CSMD1: variants seen among roughly 807,000 people sequenced by gnomAD.
The protein encoded by CSMD1 is CUB and Sushi multiple domains 1.
A neutral mutation model predicts 417.5 loss-of-function variants in CSMD1; 213 were observed. That is an observed-to-expected ratio of 0.51 (90% CI 0.46 to 0.57). CSMD1 has a LOEUF of 0.57. Ranked by LOEUF, CSMD1 falls within the 20% of genes least tolerant of loss-of-function variation. The pLI is 0.00. For missense variants in CSMD1, 6,923 were observed against 4,529.7 expected (o/e 1.53, Z -15.17); for synonymous variants, 2,862 against 1,736.8 (o/e 1.65, Z -16.11).
At chr8:4,895,475 T>G (rs1028648819) in intron 1 of CSMD1, among the ~76,000 whole-genome samples, 2 of 152,158 alleles carry the variant, frequency 1.3e-5, no homozygotes, top group Admixed American at 6.5e-5. Flanking sequence ...TCATTGGCAT[T>G]TGTCTAGTAC....
chr8:3,077,863 A>C (rs11997077), intron 49 of CSMD1, among the ~76,000 whole-genome samples: 3 of 152,018 alleles, frequency 2.0e-5, no homozygotes, highest in African/African-American at 2.4e-5. Context: ...CACACAGGGC[A>C]TTTCACTGTC....
At chr8:3,026,990 T>G (rs1205503755) in intron 51 of CSMD1, among the ~76,000 whole-genome samples, 1 of 152,092 alleles carries the variant, frequency 6.6e-6, no homozygotes, top group Admixed American at 6.5e-5. Flanking sequence ...TTAAGGCTTG[T>G]AAATTTTAGC....
chr8:4,206,129 G>A (rs761232736), intron 3 of CSMD1, among the ~76,000 whole-genome samples: 6 of 152,096 alleles, frequency 3.9e-5, no homozygotes, highest in South Asian at 2.1e-4. Context: ...GATAGGGAGG[G>A]TATTTTACCT....
At chr8:3,120,697 A>C (rs1209158824) in intron 41 of CSMD1, among the ~76,000 whole-genome samples, 1 of 129,654 alleles carries the variant, frequency 7.7e-6, no homozygotes. Flanking sequence ...AAATACAAAA[A>C]TTAGCCAGGG....
At chr8:4,991,073 G>T (rs368185302) in intron 1 of CSMD1, among the ~76,000 whole-genome samples, 1 of 152,142 alleles carries the variant, frequency 6.6e-6, no homozygotes, top group Non-Finnish European at 1.5e-5. Context: ...GTAAGTAATT[G>T]TCTGCAAATA....
chr8:3,874,532 G>C (rs1805688067), intron 5 of CSMD1, among the ~76,000 whole-genome samples: 1 of 152,156 alleles, frequency 6.6e-6, no homozygotes, highest in Admixed American at 6.5e-5. Context: ...GTTCATTGAA[G>C]ACATACAAGC....
intron 1 of CSMD1, among the ~76,000 whole-genome samples, chr8:4,889,838 C>T (rs1358158289): frequency 1.3e-5 from 2 of 152,156 alleles, no homozygotes; most frequent in East Asian, 3.9e-4. Context: ...ACTAGAATTG[C>T]TGGAGTTACT....
intron 5 of CSMD1, among the ~76,000 whole-genome samples, chr8:3,969,941 A>C (rs1349067392): frequency 1.3e-5 from 2 of 152,186 alleles, no homozygotes; most frequent in African/African-American, 2.4e-5. Context: ...TTATTTAAAC[A>C]ACCTCTCCCA....
rs140638421 is a variant in CSMD1, at chr8:3,519,237, A to G, written c.1345-25511T>C. ...TTACCAACACTTTTTCTTTCCCTGC[A>G]TATAAACATTTTGTCCTGTTCATAT... is the stretch of plus-strand genomic sequence containing the variant. On this transcript the variant is annotated intron_variant, in intron 10 of 69. Coordinates refer to ENST00000635120, the MANE Select transcript of CSMD1 (RefSeq NM_033225.6). Among the ~76,000 whole-genome samples, 6 of 152,346 alleles carry G rather than the reference A, an allele frequency of 3.9e-5. No homozygotes were observed. The East Asian group carries it at 7.7e-4, about 20-fold the overall frequency.
At chr8:3,431,649 A>T (rs914044878) in intron 12 of CSMD1, among the ~76,000 whole-genome samples, 2 of 152,158 alleles carry the variant, frequency 1.3e-5, no homozygotes, top group Non-Finnish European at 2.9e-5. Flanking sequence ...CTTGTTTATT[A>T]ATGTTCTCCC....
intron 5 of CSMD1, among the ~76,000 whole-genome samples, chr8:3,818,967 A>C (rs766019242): frequency 1.4e-4 from 21 of 152,318 alleles, no homozygotes; most frequent in Non-Finnish European, 2.2e-4. Flanking sequence ...GTAGTTGACA[A>C]ACTTCAAAAG....
intron 3 of CSMD1, among the ~76,000 whole-genome samples, chr8:4,150,955 C>T (rs1400641496): frequency 2.0e-5 from 3 of 152,176 alleles, no homozygotes; most frequent in African/African-American, 7.2e-5. Flanking sequence ...TCCAAACTTT[C>T]AGTAAAAGTC....
At chr8:4,542,812 GATTAT>G (rs1479221975) in intron 2 of CSMD1, among the ~76,000 whole-genome samples, 2 of 151,974 alleles carry the variant, frequency 1.3e-5, no homozygotes, top group Non-Finnish European at 2.9e-5. Flanking sequence ...AATATAACAT[GATTAT>G]ATTATTAAAT....
At chr8:3,291,536 C>T (rs932502199) in intron 25 of CSMD1, among the ~76,000 whole-genome samples, 2 of 152,144 alleles carry the variant, frequency 1.3e-5, no homozygotes, top group East Asian at 3.9e-4. Context: ...GATTCAACTT[C>T]TTCCTGGTTT....
At chr8:3,348,218 A>G in intron 21 of CSMD1, 57 bp from the exon 22 acceptor site, 1 of 1,410,908 alleles carries the variant, frequency 7.1e-7, no homozygotes, top group African/African-American at 1.4e-5. Flanking sequence ...ACTGTTTTTA[A>G]CAGATTAAAA....
intron 3 of CSMD1, among the ~76,000 whole-genome samples, chr8:4,354,847 G>C (rs1801307421): frequency 1.4e-5 from 2 of 142,436 alleles, no homozygotes; most frequent in Non-Finnish European, 3.0e-5. Context: ...CTAGAGGGCA[G>C]GTAAATGAGG....
intron 3 of CSMD1, among the ~76,000 whole-genome samples, chr8:4,212,748 A>ATTTTT (rs1233118651): frequency 1.8e-4 from 18 of 101,900 alleles, no homozygotes; most frequent in African/African-American, 8.4e-4. Flanking sequence ...CAGCGGCCTT[A>ATTTTT]TTCTTTTTTT....
At chr8:4,400,696 T>C (rs1585017417) in intron 3 of CSMD1, among the ~76,000 whole-genome samples, 1 of 152,154 alleles carries the variant, frequency 6.6e-6, no homozygotes, top group Non-Finnish European at 1.5e-5. Flanking sequence ...TTGCCTTTTT[T>C]TTCAGATTTT....
chr8:4,293,743 C>G (rs537171661), intron 3 of CSMD1, among the ~76,000 whole-genome samples: 1 of 152,132 alleles, frequency 6.6e-6, no homozygotes, highest in Admixed American at 6.6e-5. Flanking sequence ...TATTAAAGCA[C>G]AGATATTTTT....
Sources: gnomAD v4.1 joint callset for allele counts (sites outside exome capture counted in the v4.1 genomes callset) on GRCh38, gnomAD v4.1.1 for gene constraint, MANE v1.5 for transcripts, NCBI Gene and HGNC (gene_info 2026-07-23, HGNC 2026-07-21) for gene names.